Variants in MED13 observed in about 807,000 individuals in gnomAD.
MED13 encodes mediator of RNA polymerase II transcription subunit 13.
In MED13, 23 loss-of-function variants were observed where a neutral mutation model predicts 225.2. The ratio of observed to expected loss-of-function variants is 0.10; its 90% CI spans 0.07 to 0.14. The LOEUF (loss-of-function observed/expected upper bound fraction) is 0.14, where lower values mean the gene tolerates loss of function less well. MED13 is among the 10% of genes least tolerant of loss of function. The probability of loss-of-function intolerance (pLI) is 1.00; values close to 1 mark genes in which losing one functional copy is unlikely to be tolerated. For synonymous variants in MED13, 942 were observed against 889.2 expected (o/e 1.06, Z -1.06); for missense variants, 2,197 against 2,594.5 (o/e 0.85, Z 3.33).
rs1159192344 is a variant in MED13 at position 62,063,055 on chromosome 17, A to C, written c.301+12T>G. On this transcript the variant is annotated intron_variant, in intron 2 of 29. Transcript: ENST00000397786. ...GCTATATCATTAGTTAGAAATGGAA[A>C]GTTTCTTTCACCTGATAAGTCATGG... 6.3e-7 allele frequency: 1 copy of C among 1,590,504 alleles called. No homozygotes were observed. The highest frequency in any genetic ancestry group is 8.6e-7 in the Non-Finnish European group (1 of 1,159,582).
At chr17:62,003,977 C>T (rs993117209) in intron 9 of MED13, 1 of 152,158 alleles carries the variant, frequency 6.6e-6, no homozygotes, top group African/African-American at 2.4e-5. Context: ...TGTACACAAG[C>T]AACCAATACA....
chr17:61,946,874 T>C (rs1220734180), intron 29 of MED13, 43 bp downstream of exon 29: 4 of 1,491,278 alleles, frequency 2.7e-6, no homozygotes, highest in Middle Eastern at 1.7e-4. Flanking sequence ...TTATATTCTT[T>C]TAAAGTTGCA....
chr17:61,982,421 A>T lies in MED13; in HGVS notation c.3582T>A (p.Asp1194Glu). ...AGGGTGAAAATAAATTAGTGCACTG[A>T]TCTTGTAGCAATAATATCAAATCAT... ...LSDDLILLLQ[D>E]QCTNLFSPFG... The change falls in exon 16 of 30, where the codon GAT becomes GAA. Residue 1194 changes from aspartate (D) to glutamate (E), a missense_variant. By Grantham distance (45) the Asp-to-Glu change is conservative. Coordinates refer to ENST00000397786, the MANE Select transcript of MED13 (RefSeq NM_005121.3). 5 of 1,614,198 alleles carry T rather than the reference A, an allele frequency of 3.1e-6. No individual in the cohort carries two copies. The South Asian group carries it at 4.4e-5, about 14-fold the overall frequency.
chr17:62,003,246 C>G (rs1246453247), intron 9 of MED13, among the ~76,000 whole-genome samples: 1 of 152,092 alleles, frequency 6.6e-6, no homozygotes. Context: ...TTTGATGGTT[C>G]ACCTTCTGGA....
chr17:61,965,572 G>A, intron 19 of MED13, 104 bp from the exon 20 acceptor site: 1 of 1,181,998 alleles, frequency 8.5e-7, no homozygotes. Flanking sequence ...ATGTTTTCTT[G>A]GTAATTATAG....
At position 62,063,025 on chromosome 17, in the gene MED13, A is replaced by G. The variant is rs761027567; in HGVS notation, c.301+42T>C. On this transcript the variant is annotated intron_variant, in intron 2 of 29. Coordinates refer to ENST00000397786, the MANE Select transcript of MED13 (RefSeq NM_005121.3). Reference sequence around the variant, plus strand: ...TATGACATTCTGGGAGAAGTATACAATGTTGCTATATCATTAGTTAGAAAT... The same window carrying G: ...TATGACATTCTGGGAGAAGTATACAGTGTTGCTATATCATTAGTTAGAAAT... The G allele has an allele frequency of 3.5e-6, 5 of 1,428,550 alleles. No homozygotes were observed. The East Asian group carries it at 1.1e-4, about 32-fold the overall frequency. 88.5% of individuals were successfully genotyped at this position (1,428,550 alleles called of 1,614,324 possible).
At chr17:62,040,893 G>A (rs1441789540) in intron 3 of MED13, among the ~76,000 whole-genome samples, 1 of 152,172 alleles carries the variant, frequency 6.6e-6, no homozygotes, top group Non-Finnish European at 1.5e-5. Context: ...AAGTGTTGAT[G>A]AGGATGTGGA....
chr17:61,971,094 G>C (rs2080104160), intron 17 of MED13, among the ~76,000 whole-genome samples: 2 of 151,980 alleles, frequency 1.3e-5, no homozygotes, highest in Non-Finnish European at 2.9e-5. Flanking sequence ...CTGAAAAGTA[G>C]CTGTAATGAT....
intron 3 of MED13, among the ~76,000 whole-genome samples, chr17:62,038,720 G>C (rs568188131): frequency 1.1e-4 from 17 of 152,154 alleles, no homozygotes; most frequent in Non-Finnish European, 2.4e-4. Flanking sequence ...CTGGAGTGCA[G>C]TGATACAATC....
chr17:62,000,395 A>G lies in MED13; in HGVS notation c.1968-5030T>C, dbSNP rs559516133. On this transcript the variant is annotated intron_variant, in intron 9 of 29. Coordinates refer to ENST00000397786, the MANE Select transcript of MED13 (RefSeq NM_005121.3). The stretch of plus-strand genomic sequence containing the variant: ...CTATTAAGTTTCAGACATGATCCCA[A>G]CCGCCTGATGGAATCTCTCAGCAGG... Among the ~76,000 whole-genome samples the G allele has an allele frequency of 3.3e-5, 5 of 152,276 alleles. No individual in the cohort carries two copies. In the South Asian group the frequency reaches 6.2e-4, roughly 19 times the overall value.
rs374576908 is a variant in MED13 at position 61,946,625 on chromosome 17, G to A, written c.6393-25C>T. On this transcript the variant is annotated intron_variant, in intron 29 of 29. Transcript: ENST00000397786. ...CCTGAAAAGCAAATAAACTGCATAA[G>A]TCATTTATTTATTTCCAACCTAGAT... 3.7e-6 allele frequency: 6 copies of A among 1,602,742 alleles called. No individual in the cohort carries two copies. In the African/African-American group the frequency reaches 8.1e-5, roughly 22 times the overall value.
chr17:61,980,310 T>C (rs7212824), intron 16 of MED13, among the ~76,000 whole-genome samples: 11,497 of 152,166 alleles, frequency 0.076, 1,499 homozygotes, highest in African/African-American at 0.26. Context: ...TCCCCACTTA[T>C]AAATGTCAGC....
At chr17:62,047,686 G>A (rs927328721) in intron 3 of MED13, among the ~76,000 whole-genome samples, 1 of 151,774 alleles carries the variant, frequency 6.6e-6, no homozygotes, top group African/African-American at 2.4e-5. Flanking sequence ...AAACCTGCAC[G>A]TTCTGCACAT....
At chr17:61,986,214 A>G (rs2080246315) in intron 12 of MED13, among the ~76,000 whole-genome samples, 1 of 152,214 alleles carries the variant, frequency 6.6e-6, no homozygotes, top group African/African-American at 2.4e-5. Context: ...GATACACAGT[A>G]AAAGTTTATG....
chr17:61,991,391 T>C (rs946665422), intron 11 of MED13, among the ~76,000 whole-genome samples: 1 of 150,918 alleles, frequency 6.6e-6, no homozygotes, highest in Admixed American at 6.6e-5. Flanking sequence ...GTGTAAGCCA[T>C]TGTGCCCAGC....
chr17:61,956,575 C>T, intron 23 of MED13, 94 bp from the exon 24 acceptor site: 1 of 1,311,934 alleles, frequency 7.6e-7, no homozygotes, highest in Non-Finnish European at 1.1e-6. Flanking sequence ...CACTCTGTCA[C>T]CCAGGCTGGA....
At chr17:61,995,768 C>T (rs1308723397) in intron 9 of MED13, among the ~76,000 whole-genome samples, 1 of 151,968 alleles carries the variant, frequency 6.6e-6, no homozygotes, top group African/African-American at 2.4e-5. Context: ...TACTTTTAAA[C>T]AATTTATACA....
intron 27 of MED13, among the ~76,000 whole-genome samples, chr17:61,951,203 G>A (rs1377182514): frequency 6.6e-6 from 1 of 152,188 alleles, no homozygotes; most frequent in Non-Finnish European, 1.5e-5. Context: ...TTTAAGGATT[G>A]CATGATATGC....
chr17:62,001,516 C>T (rs1255684601), intron 9 of MED13, among the ~76,000 whole-genome samples: 1 of 152,144 alleles, frequency 6.6e-6, no homozygotes, highest in Non-Finnish European at 1.5e-5. Flanking sequence ...TTGCAATAGT[C>T]CCTCCATCAT....
Sources: gnomAD v4.1 joint callset for allele counts (sites outside exome capture counted in the v4.1 genomes callset) on GRCh38, gnomAD v4.1.1 for gene constraint, MANE v1.5 for transcripts, NCBI Gene and HGNC (gene_info 2026-07-23, HGNC 2026-07-21) for gene names.